The following NDST4 variants were observed in gnomAD, a reference collection of about 807,000 sequenced individuals.
The protein encoded by NDST4 is N-deacetylase and N-sulfotransferase 4.
A neutral mutation model predicts 100.8 loss-of-function variants in NDST4; 63 were observed. The observed-to-expected ratio is 0.62, with a 90% CI of 0.51 to 0.77. NDST4 has a LOEUF of 0.77. Ranked by LOEUF, NDST4 falls within the 30% of genes least tolerant of loss-of-function variation. The pLI, the probability that NDST4 is intolerant of heterozygous loss-of-function variation, is 0.00. For missense variants in NDST4, 943 were observed against 1,018.4 expected (o/e 0.93, Z 1.01); for synonymous variants, 377 against 361.8 (o/e 1.04, Z -0.48).
intron 1 of NDST4, among the ~76,000 whole-genome samples, chr4:115,092,199 A>G (rs543318869): frequency 6.6e-6 from 1 of 152,276 alleles, no homozygotes; most frequent in Non-Finnish European, 1.5e-5. Flanking sequence ...CCCTTAAACT[A>G]TGGATGTAGG....
intron 1 of NDST4, among the ~76,000 whole-genome samples, chr4:115,097,032 C>T (rs944295251): frequency 9.2e-5 from 14 of 151,986 alleles, no homozygotes; most frequent in Non-Finnish European, 2.1e-4. Flanking sequence ...TCTAGGAAAT[C>T]GTATATTTCA....
intron 2 of NDST4, among the ~76,000 whole-genome samples, chr4:115,026,015 T>C (rs574461925): frequency 6.6e-6 from 1 of 152,126 alleles, no homozygotes; most frequent in Non-Finnish European, 1.5e-5. Flanking sequence ...TTTATGATTT[T>C]CAATTCATGA....
intron 7 of NDST4, among the ~76,000 whole-genome samples, chr4:114,853,165 C>T (rs928456802): frequency 6.6e-6 from 1 of 152,122 alleles, no homozygotes; most frequent in African/African-American, 2.4e-5. Flanking sequence ...ACTCATATTA[C>T]TGTGTTCTCC....
At chr4:114,991,054 G>A (rs186660347) in intron 2 of NDST4, among the ~76,000 whole-genome samples, 5 of 151,766 alleles carry the variant, frequency 3.3e-5, no homozygotes, top group African/African-American at 4.9e-5. Flanking sequence ...CACCTCTGGC[G>A]AAGTAAAGAG....
At chr4:114,977,094 A>G (rs1726655617) in intron 3 of NDST4, 93 bp downstream of exon 3, 1 of 749,204 alleles carries the variant, frequency 1.3e-6, no homozygotes, top group Non-Finnish European at 2.1e-6. Context: ...TCCCATAATC[A>G]ATCTGGAGAA....
intron 2 of NDST4, among the ~76,000 whole-genome samples, chr4:115,026,160 AT>A (rs1376135516): frequency 2.6e-5 from 4 of 152,016 alleles, no homozygotes; most frequent in African/African-American, 9.7e-5. Context: ...CCTTAAGTTA[AT>A]TTTCTATAGT....
intron 6 of NDST4, among the ~76,000 whole-genome samples, chr4:114,929,066 G>GTCCA (rs1725447033): frequency 5.0e-5 from 5 of 99,204 alleles, no homozygotes; most frequent in Middle Eastern, 4.7e-3. Flanking sequence ...CCGTCCGTCC[G>GTCCA]TCCGTCCGTC....
chr4:115,013,345 C>CTATATA (rs1410091058), intron 2 of NDST4, among the ~76,000 whole-genome samples: 9 of 14,934 alleles, frequency 6.0e-4, no homozygotes. Flanking sequence ...AATATAAATA[C>CTATATA]CATATATATA....
At chr4:114,854,836 G>A (rs1270222381) in intron 7 of NDST4, among the ~76,000 whole-genome samples, 3 of 151,830 alleles carry the variant, frequency 2.0e-5, no homozygotes, top group East Asian at 1.9e-4. Context: ...TCTATTTTTC[G>A]TTTTGTGTGG....
At chr4:114,947,875 T>G (rs1004006559) in intron 4 of NDST4, among the ~76,000 whole-genome samples, 1 of 152,106 alleles carries the variant, frequency 6.6e-6, no homozygotes, top group Non-Finnish European at 1.5e-5. Context: ...CATATTTTCA[T>G]GGAGTGAAGC....
intron 6 of NDST4, among the ~76,000 whole-genome samples, chr4:114,892,016 T>A (rs1273004832): frequency 6.6e-6 from 1 of 152,146 alleles, no homozygotes; most frequent in African/African-American, 2.4e-5. Context: ...GGCTGCACCA[T>A]ACACACTGTT....
chr4:114,929,350 G>A (rs1725464302), intron 6 of NDST4, among the ~76,000 whole-genome samples: 2 of 152,052 alleles, frequency 1.3e-5, no homozygotes, highest in Admixed American at 1.3e-4. Context: ...CATAGTCCTT[G>A]TTTTGAGCAA....
In NDST4 at chr4:114,954,176, G is replaced by GT. The variant is rs531605440; in HGVS notation, c.1221+16253_1221+16254insA. Among the ~76,000 whole-genome samples the GT allele has an allele frequency of 4.2e-3, 635 of 151,554 alleles. 11 individuals carry two copies. Among genetic ancestry groups the GT allele is most frequent in the Middle Eastern group, 0.017 (5 of 290 alleles). On this transcript the variant is annotated intron_variant, in intron 4 of 13. Transcript: ENST00000264363. The stretch of plus-strand genomic sequence containing the variant: ...CTAGTAATATTTTATGTTATTATTT[G>GT]GTTTTTTTAAACTTAATTTTTTTGC...
At position 114,934,841 on chromosome 4, in the gene NDST4, C is replaced by T. The variant is rs369530633; in HGVS notation, c.1536+365G>A. On this transcript the variant is annotated intron_variant, in intron 6 of 13. Transcript: ENST00000264363. ...TTCACAATGTTTACATGTAACAAAG[C>T]ATCATGTTGTACTGTAAAAATAAAA... is the stretch of plus-strand genomic sequence containing the variant. Among the ~76,000 whole-genome samples the T allele has an allele frequency of 1.3e-4, 20 of 152,000 alleles. No homozygotes were observed. The East Asian group carries it at 2.9e-3, about 22-fold the overall frequency.
chr4:115,108,697 G>C (rs1001551393), intron 1 of NDST4, among the ~76,000 whole-genome samples: 2 of 151,848 alleles, frequency 1.3e-5, no homozygotes, highest in Non-Finnish European at 2.9e-5. Context: ...GAAATTTATA[G>C]GTGGAAGAAC....
chr4:115,069,763 T>C (rs930698771), intron 2 of NDST4, among the ~76,000 whole-genome samples: 4 of 152,004 alleles, frequency 2.6e-5, no homozygotes, highest in African/African-American at 9.7e-5. Context: ...CACGTCTGTA[T>C]TCCCAGCTAC....
At chr4:114,969,249 G>C (rs1311750327) in intron 4 of NDST4, among the ~76,000 whole-genome samples, 2 of 148,484 alleles carry the variant, frequency 1.3e-5, no homozygotes, top group Admixed American at 1.3e-4. Context: ...GGGAGGCGGA[G>C]CTTGCAGTGA....
chr4:114,877,086 A>ACACG (rs1553950655), intron 6 of NDST4, among the ~76,000 whole-genome samples: 2 of 151,568 alleles, frequency 1.3e-5, no homozygotes, highest in African/African-American at 4.9e-5. Context: ...ACACACACAC[A>ACACG]CGCGTGCACG....
rs1726903639 is a variant in NDST4, at chr4:114,986,475, T to C, written c.979-9201A>G. ...CGAGCTTCTGCTTCTGTTTTCTGAT[T>C]GGCATTCTGGTTCTCTCCCTGAGAT... On this transcript the variant is annotated intron_variant, in intron 2 of 13. Coordinates refer to ENST00000264363, the MANE Select transcript of NDST4 (RefSeq NM_022569.3). Among the ~76,000 whole-genome samples, 3 of 152,096 alleles carry C rather than the reference T, an allele frequency of 2.0e-5. No individual in the cohort carries two copies. The South Asian group carries it at 6.2e-4, about 32-fold the overall frequency.
Sources: gnomAD v4.1 joint callset for allele counts (sites outside exome capture counted in the v4.1 genomes callset) on GRCh38, gnomAD v4.1.1 for gene constraint, MANE v1.5 for transcripts, NCBI Gene and HGNC (gene_info 2026-07-23, HGNC 2026-07-21) for gene names.